Variants in UIMC1 observed in about 807,000 individuals in gnomAD.
UIMC1 encodes ubiquitin interaction motif containing 1.
A neutral mutation model predicts 84.9 loss-of-function variants in UIMC1; 42 were observed. The ratio of observed to expected loss-of-function variants is 0.49; its 90% CI spans 0.39 to 0.64. The LOEUF (loss-of-function observed/expected upper bound fraction) is 0.64. UIMC1 is among the 30% of genes least tolerant of loss of function. The pLI is 0.00. For missense variants in UIMC1, 825 were observed against 847.6 expected (o/e 0.97, Z 0.33); for synonymous variants, 281 against 293.0 (o/e 0.96, Z 0.42).
At chr5:176,971,882 C>T (rs1037005076) in intron 3 of UIMC1, among the ~76,000 whole-genome samples, 4 of 151,998 alleles carry the variant, frequency 2.6e-5, no homozygotes, top group African/African-American at 9.7e-5. Context: ...GCACTCCACC[C>T]TAGGTGACAA....
At chr5:176,944,837 G>A (rs924147077) in intron 9 of UIMC1, among the ~76,000 whole-genome samples, 6 of 152,166 alleles carry the variant, frequency 3.9e-5, no homozygotes, top group East Asian at 1.9e-4. Flanking sequence ...CTCTAAAGGC[G>A]TAAAACCTAA....
chr5:176,933,564 T>C (rs1023899722), intron 10 of UIMC1, among the ~76,000 whole-genome samples: 1 of 151,818 alleles, frequency 6.6e-6, no homozygotes, highest in Non-Finnish European at 1.5e-5. Flanking sequence ...AGGGTCTTGC[T>C]CAGTCACTCA....
At chr5:176,939,066 A>G (rs1438698499) in intron 10 of UIMC1, among the ~76,000 whole-genome samples, 2 of 151,948 alleles carry the variant, frequency 1.3e-5, no homozygotes, top group African/African-American at 2.4e-5. Context: ...CAGCCTGGGC[A>G]ACATGGTGAG....
intron 8 of UIMC1, among the ~76,000 whole-genome samples, chr5:176,955,069 A>G (rs1251796687): frequency 6.6e-6 from 1 of 152,222 alleles, no homozygotes; most frequent in East Asian, 1.9e-4. Context: ...ATCTTTTCAG[A>G]AAAGCCAGAA....
At chr5:176,924,477 AAG>A (rs1270314542) in intron 10 of UIMC1, among the ~76,000 whole-genome samples, 1 of 152,172 alleles carries the variant, frequency 6.6e-6, no homozygotes, top group Admixed American at 6.5e-5. Context: ...TTAAATAAAA[AAG>A]AGAAGCCAGA....
chr5:176,994,818 G>A (rs566556241), intron 1 of UIMC1, among the ~76,000 whole-genome samples: 1 of 152,184 alleles, frequency 6.6e-6, no homozygotes, highest in African/African-American at 2.4e-5. Context: ...GACAGGTCTC[G>A]CAACGCAGGC....
At chr5:176,977,594 A>G (rs1561866440) in intron 2 of UIMC1, among the ~76,000 whole-genome samples, 1 of 148,026 alleles carries the variant, frequency 6.8e-6, no homozygotes, top group Non-Finnish European at 1.5e-5. Flanking sequence ...AAAAAAAAAA[A>G]AAAGAAAAGA....
chr5:176,925,037 A>AG, intron 10 of UIMC1, among the ~76,000 whole-genome samples: 1 of 152,056 alleles, frequency 6.6e-6, no homozygotes, highest in East Asian at 1.9e-4. Context: ...CCTCAAAAAA[A>AG]AAAAAAAAAA....
Position 176,968,635 on chromosome 5 carries a change from T to C in UIMC1, c.1120A>G (p.Lys374Glu). The C allele has an allele frequency of 6.2e-7, 1 of 1,613,940 alleles. No individual in the cohort carries two copies. Among genetic ancestry groups the C allele is most frequent in the Non-Finnish European group, 8.5e-7 (1 of 1,179,994 alleles). The part of the protein sequence containing the change: ...SRASDWHSKT[K>E]DFQESSIKSL... ...TTAATTGAGCTTTCCTGGAAATCCT[T>C]GGTTTTTGAGTGCCAGTCAGATGCC... Residue 374 changes from lysine (K) to glutamate (E), a missense_variant, in exon 6 of 15, where the codon AAG (lysine) becomes GAG (glutamate). Lys to Glu is a moderately conservative substitution (Grantham distance 56, BLOSUM62 1). Coordinates refer to ENST00000511320, the MANE Select transcript of UIMC1 (RefSeq NM_001199298.2).
chr5:177,015,826 T>C (rs1292137786), intron 1 of UIMC1, among the ~76,000 whole-genome samples: 1 of 151,948 alleles, frequency 6.6e-6, no homozygotes, highest in Non-Finnish European at 1.5e-5. Flanking sequence ...TCCCAGCACT[T>C]TGGGAGGCTG....
At chr5:176,945,743 A>T (rs1258570195) in intron 9 of UIMC1, among the ~76,000 whole-genome samples, 1 of 152,216 alleles carries the variant, frequency 6.6e-6, no homozygotes, top group African/African-American at 2.4e-5. Context: ...TTTAGGGTTA[A>T]GCCATACTCC....
intron 10 of UIMC1, among the ~76,000 whole-genome samples, chr5:176,931,675 T>C (rs575467177): frequency 6.6e-6 from 1 of 152,172 alleles, no homozygotes; most frequent in Admixed American, 6.5e-5. Flanking sequence ...CACAGAAAAG[T>C]TGAACAAAAG....
chr5:177,000,124 AT>A (rs1054832688), intron 1 of UIMC1, among the ~76,000 whole-genome samples: 1 of 151,980 alleles, frequency 6.6e-6, no homozygotes, highest in Non-Finnish European at 1.5e-5. Context: ...CACCTGGCTA[AT>A]TTTTTTACAT....
At chr5:176,993,747 C>T (rs1214857728) in intron 1 of UIMC1, among the ~76,000 whole-genome samples, 1 of 152,058 alleles carries the variant, frequency 6.6e-6, no homozygotes, top group African/African-American at 2.4e-5. Context: ...GTGGCTCACG[C>T]CTGTAATCCC....
Position 176,909,693 on chromosome 5 carries a change from T to C in UIMC1, c.1677-999A>G, listed in dbSNP as rs6880833. Among the ~76,000 whole-genome samples the C allele has an allele frequency of 4.6e-3, 701 of 152,314 alleles. 2 individuals are homozygous for C. Among genetic ancestry groups the C allele is most frequent in the Non-Finnish European group, 7.7e-3 (525 of 68,010 alleles). ...AAATAGCAGAAATAAGTCTCTCAAA[T>C]ACTTAATTATCCAGAAGAATGCAAG... On this transcript the variant is annotated intron_variant, in intron 11 of 14. Coordinates refer to ENST00000511320, the MANE Select transcript of UIMC1 (RefSeq NM_001199298.2).
intron 1 of UIMC1, among the ~76,000 whole-genome samples, chr5:176,997,301 GGGTTCCTT>G (rs1271452219): frequency 6.6e-6 from 1 of 151,790 alleles, no homozygotes; most frequent in East Asian, 1.9e-4. Flanking sequence ...ACTCATAACT[GGGTTCCTT>G]ACTTTTACCA....
At chr5:176,988,890 G>T (rs1772413595) in intron 1 of UIMC1, among the ~76,000 whole-genome samples, 1 of 151,950 alleles carries the variant, frequency 6.6e-6, no homozygotes, top group African/African-American at 2.4e-5. Flanking sequence ...CACCATGTTG[G>T]CCAAGATGGT....
chr5:176,982,617 CT>C lies in UIMC1; in HGVS notation c.-3del. The C allele has an allele frequency of 3.1e-6, 5 of 1,612,420 alleles. No homozygotes were observed. Among genetic ancestry groups the C allele is most frequent in the Non-Finnish European group, 4.2e-6 (5 of 1,179,642 alleles). ...AACTTTTTTCTTTCTCCGTGGCATCCTTTTGTCTAGAATAAAAGGACAATAA... is the reference window on the plus strand; with the variant it reads ...AACTTTTTTCTTTCTCCGTGGCATCCTTTGTCTAGAATAAAAGGACAATAA... On this transcript the variant is annotated 5_prime_UTR_variant, in exon 2 of 15. Transcript: ENST00000511320.
intron 9 of UIMC1, among the ~76,000 whole-genome samples, chr5:176,945,001 T>C (rs1764902083): frequency 6.6e-6 from 1 of 152,208 alleles, no homozygotes; most frequent in Non-Finnish European, 1.5e-5. Context: ...AAAAGCAAAG[T>C]AACTTGCTGG....
Sources: allele counts gnomAD v4.1 joint callset (sites outside exome capture counted in the v4.1 genomes callset), GRCh38; gene constraint gnomAD v4.1.1; transcripts MANE v1.5; gene names NCBI Gene and HGNC (gene_info 2026-07-23, HGNC 2026-07-21).